Variants in HMGB1 observed in about 807,000 individuals in gnomAD.
The protein encoded by HMGB1 is high mobility group box 1.
For missense variants in HMGB1, 79 were observed against 253.5 expected (o/e 0.31, Z 4.67); for synonymous variants, 81 against 84.0 (o/e 0.96, Z 0.19).
chr13:30,497,087 C>A (rs1315584756), intron 1 of HMGB1, among the ~76,000 whole-genome samples: 9 of 152,164 alleles, frequency 5.9e-5, no homozygotes, highest in African/African-American at 2.2e-4. Flanking sequence ...CCAAAATGAT[C>A]CCCTATCTCT....
chr13:30,574,354 C>T (rs1042332737), intron 1 of HMGB1, among the ~76,000 whole-genome samples: 1 of 152,234 alleles, frequency 6.6e-6, no homozygotes, highest in African/African-American at 2.4e-5. Context: ...GTTGCCCAAT[C>T]CCACTGCTGG....
chr13:30,513,923 A>G (rs73167334), intron 1 of HMGB1, among the ~76,000 whole-genome samples: 3,104 of 152,260 alleles, frequency 0.02, 48 homozygotes, highest in Non-Finnish European at 0.03. Flanking sequence ...TTGTCTTTGT[A>G]GAAATGGGGT....
At chr13:30,464,739 G>C (rs1886623174) in intron 1 of HMGB1, 1 of 514,648 alleles carries the variant, frequency 1.9e-6, no homozygotes, top group Non-Finnish European at 2.5e-6. Context: ...GCGAGCGCGA[G>C]CGAGAATATG....
At chr13:30,615,063 G>A (rs1566041710) in intron 1 of HMGB1, among the ~76,000 whole-genome samples, 1 of 151,966 alleles carries the variant, frequency 6.6e-6, no homozygotes, top group Non-Finnish European at 1.5e-5. Context: ...TTAACCTTAA[G>A]CCCTGAAACT....
intron 1 of HMGB1, among the ~76,000 whole-genome samples, chr13:30,579,838 T>C (rs571854669): frequency 2.0e-5 from 3 of 152,146 alleles, no homozygotes; most frequent in African/African-American, 7.2e-5. Flanking sequence ...TGATACTAAC[T>C]GGGGTTAAAA....
intron 1 of HMGB1, among the ~76,000 whole-genome samples, chr13:30,538,239 G>C (rs74756836): frequency 6.6e-6 from 1 of 152,076 alleles, no homozygotes; most frequent in Non-Finnish European, 1.5e-5. Context: ...GTTTCCATCC[G>C]ACTGACAGGA....
At chr13:30,563,037 C>T (rs1192715727) in intron 1 of HMGB1, among the ~76,000 whole-genome samples, 1 of 152,212 alleles carries the variant, frequency 6.6e-6, no homozygotes, top group African/African-American at 2.4e-5. Flanking sequence ...TGTCAGCCTC[C>T]AGAGCACAGG....
At chr13:30,506,885 T>G (rs1178298679) in intron 1 of HMGB1, among the ~76,000 whole-genome samples, 1 of 152,032 alleles carries the variant, frequency 6.6e-6, no homozygotes, top group Non-Finnish European at 1.5e-5. Context: ...CACCCCTAGT[T>G]CTCATGGTGC....
intron 1 of HMGB1, among the ~76,000 whole-genome samples, chr13:30,499,678 TA>T (rs1431125514): frequency 1.3e-5 from 2 of 152,212 alleles, no homozygotes; most frequent in Non-Finnish European, 2.9e-5. Context: ...CCCTCTTCTT[TA>T]AAAACCATAT....
rs1287028021 is a variant in HMGB1 at position 30,459,443 on chromosome 13, TTGG to T, written c.*1911_*1913del. The T allele has an allele frequency of 3.3e-5, 5 of 152,302 alleles. No individual in the cohort carries two copies. The highest frequency in any genetic ancestry group is 2.0e-4 in the Admixed American group (3 of 15,302). 9.4% of individuals were successfully genotyped at this position (152,302 alleles called of 1,614,324 possible). A position where few individuals can be genotyped will look rare whatever the true frequency, so the allele number is the denominator to read the frequency against. ...TTTAAATGGATCAGAATTATTAATG[TTGG>T]TGATTAATGGTGATTTCTATACAGT... On this transcript the variant is annotated 3_prime_UTR_variant, in exon 5 of 5. Transcript: ENST00000341423.
chr13:30,584,890 G>A (rs1385992979), intron 1 of HMGB1, among the ~76,000 whole-genome samples: 1 of 152,114 alleles, frequency 6.6e-6, no homozygotes, highest in Non-Finnish European at 1.5e-5. Context: ...GTTCACGCCT[G>A]TAATCCTAGC....
chr13:30,514,352 C>CTTTT (rs60409517), intron 1 of HMGB1, among the ~76,000 whole-genome samples: 1 of 130,442 alleles, frequency 7.7e-6, no homozygotes. Flanking sequence ...CTAGTTCAAT[C>CTTTT]TTTTTTTTTT....
At chr13:30,593,796 C>A (rs1208928906) in intron 1 of HMGB1, among the ~76,000 whole-genome samples, 4 of 152,026 alleles carry the variant, frequency 2.6e-5, no homozygotes, top group African/African-American at 9.7e-5. Flanking sequence ...TGGAACATTC[C>A]ACTAAAAAAG....
At position 30,507,262 on chromosome 13, in the gene HMGB1, C is replaced by T. The variant is rs116163268; in HGVS notation, c.-14-43568G>A. Among the ~76,000 whole-genome samples the T allele has an allele frequency of 2.7e-3, 404 of 152,340 alleles. 1 individual carries two copies. Among genetic ancestry groups the T allele is most frequent in the African/African-American group, 9.1e-3 (378 of 41,582 alleles). The stretch of plus-strand genomic sequence containing the variant: ...TTCCTGCTCATCCCATAAGACTCAG[C>T]TTCAGCGTCACAACCTGTGTGAAGG... On this transcript the variant is annotated intron_variant, in intron 1 of 4. Coordinates refer to the HMGB1 transcript ENST00000405805.
At chr13:30,465,035 C>T (rs1306513012) in intron 1 of HMGB1, 25 of 411,916 alleles carry the variant, frequency 6.1e-5, no homozygotes, top group Non-Finnish European at 8.0e-5. Context: ...GCACGGAGAA[C>T]GCGGGGCTGT....
rs576102127 is a variant in HMGB1 at position 30,574,059 on chromosome 13, G to A, written c.-15+42612C>T. 1.2e-4 allele frequency among the ~76,000 whole-genome samples: 19 copies of A among 152,256 alleles called. No individual in the cohort carries two copies. The South Asian group carries it at 3.5e-3, about 28-fold the overall frequency. Reference sequence around the variant, plus strand: ...AGCTGGGGATGAATGGGTGGAAGGGGAAAATGATGAATAAATGATGAACAC... The same window carrying A: ...AGCTGGGGATGAATGGGTGGAAGGGAAAAATGATGAATAAATGATGAACAC... On this transcript the variant is annotated intron_variant, in intron 1 of 4. Transcript: ENST00000405805.
chr13:30,585,713 A>AT (rs1215838453), intron 1 of HMGB1, among the ~76,000 whole-genome samples: 3 of 152,162 alleles, frequency 2.0e-5, no homozygotes, highest in African/African-American at 7.2e-5. Flanking sequence ...GGGACTTAAA[A>AT]AAGTATAAAT....
At chr13:30,480,481 C>A (rs2137430232) in intron 1 of HMGB1, among the ~76,000 whole-genome samples, 1 of 152,324 alleles carries the variant, frequency 6.6e-6, no homozygotes, top group Admixed American at 6.5e-5. Flanking sequence ...CTGCCTCAGG[C>A]TCCTGAATAG....
chr13:30,554,092 T>G (rs1159747174), intron 1 of HMGB1: 1 of 1,294,602 alleles, frequency 7.7e-7, no homozygotes, highest in Non-Finnish European at 1.1e-6. Flanking sequence ...GAAACGGGAT[T>G]CAATGTGAAG....
Sources: allele counts gnomAD v4.1 joint callset (sites outside exome capture counted in the v4.1 genomes callset), GRCh38; gene constraint gnomAD v4.1.1; transcripts MANE v1.5; gene names NCBI Gene and HGNC (gene_info 2026-07-23, HGNC 2026-07-21).